Variants in ROBO1 observed in about 807,000 individuals in gnomAD.
ROBO1 encodes the protein roundabout homolog 1.
A neutral mutation model predicts 195.9 loss-of-function variants in ROBO1; 149 were observed. The ratio of observed to expected loss-of-function variants is 0.76; its 90% CI spans 0.67 to 0.87. ROBO1 has a LOEUF of 0.87. ROBO1 is among the 40% of genes least tolerant of loss of function. The pLI, the probability that ROBO1 is intolerant of heterozygous loss-of-function variation, is 0.00. For missense variants in ROBO1, 1,933 were observed against 2,068.3 expected (o/e 0.93, Z 1.27); for synonymous variants, 816 against 733.2 (o/e 1.11, Z -1.82).
chr3:79,342,055 TAGAAAGA>T (rs915770422), intron 2 of ROBO1, among the ~76,000 whole-genome samples: 2 of 152,044 alleles, frequency 1.3e-5, no homozygotes, highest in African/African-American at 4.8e-5. Context: ...TGGAAATAAG[TAGAAAGA>T]AGTAGCAAGG....
intron 2 of ROBO1, among the ~76,000 whole-genome samples, chr3:79,402,556 C>T (rs2037405089): frequency 6.6e-6 from 1 of 151,934 alleles, no homozygotes; most frequent in African/African-American, 2.4e-5. Flanking sequence ...TATTTGAACA[C>T]ATGTGCTCAC....
chr3:79,630,705 T>C (rs1295174443), intron 1 of ROBO1, among the ~76,000 whole-genome samples: 1 of 151,944 alleles, frequency 6.6e-6, no homozygotes, highest in African/African-American at 2.4e-5. Flanking sequence ...TCTGTTTGCT[T>C]ATGACATATT....
intron 2 of ROBO1, among the ~76,000 whole-genome samples, chr3:79,293,368 AT>A (rs2032377228): frequency 6.6e-6 from 1 of 152,040 alleles, no homozygotes; most frequent in Admixed American, 6.6e-5. Flanking sequence ...CTTTTTATAT[AT>A]CTATCTTTTT....
intron 3 of ROBO1, among the ~76,000 whole-genome samples, chr3:79,014,294 A>T (rs909939272): frequency 5.9e-5 from 9 of 152,020 alleles, no homozygotes; most frequent in African/African-American, 2.2e-4. Flanking sequence ...ACACAGTGAA[A>T]ACCCATCTCT....
chr3:79,336,314 A>G (rs1041505239), intron 2 of ROBO1, among the ~76,000 whole-genome samples: 1 of 152,100 alleles, frequency 6.6e-6, no homozygotes, highest in Admixed American at 6.5e-5. Flanking sequence ...GGAGGGAAAA[A>G]TGGTTTTGTG....
chr3:78,984,723 G>T (rs2077067558), intron 3 of ROBO1, among the ~76,000 whole-genome samples: 1 of 152,132 alleles, frequency 6.6e-6, no homozygotes, highest in East Asian at 1.9e-4. Context: ...ATGAGACTAT[G>T]TAGGCAACTA....
intron 4 of ROBO1, among the ~76,000 whole-genome samples, chr3:78,911,892 C>T (rs2038265564): frequency 6.6e-6 from 1 of 151,972 alleles, no homozygotes; most frequent in South Asian, 2.1e-4. Flanking sequence ...AGATAGTCCG[C>T]TATTTTGATT....
chr3:79,555,350 C>G (rs1942661303), intron 2 of ROBO1, among the ~76,000 whole-genome samples: 1 of 151,994 alleles, frequency 6.6e-6, no homozygotes, highest in South Asian at 2.1e-4. Context: ...TTACCGATTC[C>G]TGAGAATTCA....
intron 3 of ROBO1, among the ~76,000 whole-genome samples, chr3:78,944,308 G>A (rs1385884778): frequency 1.3e-5 from 2 of 152,228 alleles, no homozygotes; most frequent in East Asian, 3.8e-4. Flanking sequence ...TGTTCACTTT[G>A]CACTTTGATT....
intron 2 of ROBO1, among the ~76,000 whole-genome samples, chr3:79,492,475 A>G (rs573409944): frequency 6.6e-6 from 1 of 150,992 alleles, no homozygotes; most frequent in African/African-American, 2.4e-5. Flanking sequence ...ATAGAATTAT[A>G]TATTTTAAAT....
chr3:79,625,423 G>GAAAAAAAAAAAAAAAAA lies in ROBO1; in HGVS notation c.-50-35479_-50-35463dup. Among the ~76,000 whole-genome samples the GAAAAAAAAAAAAAAAAA allele has an allele frequency of 4.5e-3, 63 of 13,874 alleles. 11 individuals carry two copies. Among genetic ancestry groups the GAAAAAAAAAAAAAAAAA allele is most frequent in the East Asian group, 9.6e-3 (3 of 314 alleles). The allele number at this position is 13,874 out of a possible 152,430, so 9.1% of individuals were successfully genotyped here. ...AAGTAATCCAGTAGCTGTTTTTTTTGAAAAAAAAAAAAAAAAAAAAAGCAA... is the reference window on the plus strand; with the variant it reads ...AAGTAATCCAGTAGCTGTTTTTTTTGAAAAAAAAAAAAAAAAAAAAAAAAAAAAAAAAAAAAAAGCAA... On this transcript the variant is annotated intron_variant, in intron 1 of 30. Coordinates refer to ENST00000464233, the MANE Select transcript of ROBO1 (RefSeq NM_002941.4).
In ROBO1 at chr3:79,209,921, A is replaced by C. The variant is rs192732078; in HGVS notation, c.89-84382T>G. Among the ~76,000 whole-genome samples, 518 of 152,300 alleles carry C rather than the reference A, an allele frequency of 3.4e-3. 2 individuals are homozygous for C. Among genetic ancestry groups the C allele is most frequent in the Non-Finnish European group, 5.9e-3 (401 of 68,018 alleles). ...TGACCAAACTGATTATCAAATTAAG[A>C]ATTCAATCCCCTTTTTTAACAGCTG... On this transcript the variant is annotated intron_variant, in intron 2 of 30. Coordinates refer to ENST00000464233, the MANE Select transcript of ROBO1 (RefSeq NM_002941.4).
intron 4 of ROBO1, among the ~76,000 whole-genome samples, chr3:78,910,929 C>T (rs1469413854): frequency 6.6e-6 from 1 of 151,976 alleles, no homozygotes; most frequent in Non-Finnish European, 1.5e-5. Context: ...CATCCCACAT[C>T]TGCTAAATCA....
At chr3:78,839,550 A>G (rs568068212) in intron 4 of ROBO1, among the ~76,000 whole-genome samples, 1 of 152,222 alleles carries the variant, frequency 6.6e-6, no homozygotes, top group African/African-American at 2.4e-5. Context: ...AAAAAAGACA[A>G]ATAGTAATAT....
chr3:79,411,093 T>C (rs1353855331), intron 2 of ROBO1, among the ~76,000 whole-genome samples: 1 of 152,144 alleles, frequency 6.6e-6, no homozygotes, highest in Non-Finnish European at 1.5e-5. Context: ...TTTTTGAAGA[T>C]AAATATAGAT....
At chr3:78,711,072 T>C (rs1042043009) in intron 8 of ROBO1, among the ~76,000 whole-genome samples, 2 of 152,208 alleles carry the variant, frequency 1.3e-5, no homozygotes, top group African/African-American at 4.8e-5. Context: ...ATTTAAAGTA[T>C]ACAACATGAC....
chr3:79,276,483 A>G (rs2031044315), intron 2 of ROBO1, among the ~76,000 whole-genome samples: 1 of 152,094 alleles, frequency 6.6e-6, no homozygotes, highest in African/African-American at 2.4e-5. Context: ...TGGATTATTA[A>G]AGACTTAAAT....
intron 4 of ROBO1, among the ~76,000 whole-genome samples, chr3:78,796,589 C>T (rs1191092072): frequency 6.6e-6 from 1 of 151,500 alleles, no homozygotes; most frequent in Non-Finnish European, 1.5e-5. Context: ...CTACTACTTC[C>T]CCTAACTTCC....
intron 2 of ROBO1, among the ~76,000 whole-genome samples, chr3:79,229,548 A>G (rs1246868645): frequency 6.6e-6 from 1 of 152,022 alleles, no homozygotes; most frequent in Non-Finnish European, 1.5e-5. Context: ...CTAGGCTCAA[A>G]TGATTCTCCC....
Sources: allele counts gnomAD v4.1 joint callset (sites outside exome capture counted in the v4.1 genomes callset), GRCh38; gene constraint gnomAD v4.1.1; transcripts MANE v1.5; gene names NCBI Gene and HGNC (gene_info 2026-07-23, HGNC 2026-07-21).